Variants in RHEB observed in about 807,000 individuals in gnomAD.
RHEB encodes the protein GTP-binding protein Rheb.
A neutral mutation model predicts 28.8 loss-of-function variants in RHEB; 2 were observed. That is an observed-to-expected ratio of 0.07 (90% confidence interval 0.03 to 0.22). The LOEUF (loss-of-function observed/expected upper bound fraction) is 0.22. Ranked by LOEUF, RHEB falls within the 10% of genes least tolerant of loss-of-function variation. The pLI is 1.00. For missense variants in RHEB, 76 were observed against 219.9 expected (o/e 0.35, Z 4.14); for synonymous variants, 69 against 77.3 (o/e 0.89, Z 0.56).
chr7:151,507,972 C>G (rs1802917992), intron 1 of RHEB, among the ~76,000 whole-genome samples: 1 of 152,052 alleles, frequency 6.6e-6, no homozygotes, highest in African/African-American at 2.4e-5. Flanking sequence ...TGGAGATTTT[C>G]AAAACAGGAT....
chr7:151,492,837 C>CTTTT (rs1584858418), intron 1 of RHEB, among the ~76,000 whole-genome samples: 1 of 109,024 alleles, frequency 9.2e-6, no homozygotes, highest in African/African-American at 3.0e-5. Context: ...AAATTCTCAA[C>CTTTT]ATTTTTTTTT....
chr7:151,484,185 C>T (rs1278848643), intron 3 of RHEB, among the ~76,000 whole-genome samples: 2 of 152,144 alleles, frequency 1.3e-5, no homozygotes, highest in Admixed American at 6.5e-5. Flanking sequence ...CTGCCCTATG[C>T]CCCTCTTATG....
At chr7:151,481,139 T>C (rs1361759971) in intron 3 of RHEB, among the ~76,000 whole-genome samples, 1 of 152,158 alleles carries the variant, frequency 6.6e-6, no homozygotes, top group African/African-American at 2.4e-5. Context: ...ACTTTTTTTT[T>C]TTTTTGATAC....
chr7:151,469,623 C>A (rs1802124329), intron 7 of RHEB, among the ~76,000 whole-genome samples: 1 of 152,142 alleles, frequency 6.6e-6, no homozygotes, highest in Non-Finnish European at 1.5e-5. Context: ...AAAACACATT[C>A]AAAATATAAA....
intron 1 of RHEB, among the ~76,000 whole-genome samples, chr7:151,511,526 A>C (rs569761851): frequency 1.2e-4 from 18 of 152,248 alleles, no homozygotes; most frequent in African/African-American, 4.3e-4. Flanking sequence ...TTCCTGTTCT[A>C]AACTAATACC....
intron 3 of RHEB, among the ~76,000 whole-genome samples, chr7:151,481,297 C>T (rs983149064): frequency 1.3e-5 from 2 of 152,122 alleles, no homozygotes; most frequent in Admixed American, 1.3e-4. Flanking sequence ...CACTATTAAA[C>T]CATAGTGGTA....
At chr7:151,471,016 A>G (rs962458045) in intron 6 of RHEB, among the ~76,000 whole-genome samples, 1 of 152,246 alleles carries the variant, frequency 6.6e-6, no homozygotes, top group Non-Finnish European at 1.5e-5. Context: ...ATTCTCTTGC[A>G]TGCAGGCTGT....
chr7:151,491,112 C>A (rs1486050612), intron 1 of RHEB, 98 bp from the exon 2 acceptor site: 4 of 742,690 alleles, frequency 5.4e-6, no homozygotes, highest in Admixed American at 2.5e-5. Context: ...GATGAAGACA[C>A]TGAAGGTATC....
chr7:151,482,067 T>G (rs1263683379), intron 3 of RHEB, among the ~76,000 whole-genome samples: 7 of 152,232 alleles, frequency 4.6e-5, no homozygotes, highest in African/African-American at 7.2e-5. Context: ...ATTAAGAACA[T>G]GTGCACTTCC....
chr7:151,511,809 C>A (rs1318622225), intron 1 of RHEB, among the ~76,000 whole-genome samples: 6 of 152,144 alleles, frequency 3.9e-5, no homozygotes, highest in Non-Finnish European at 1.5e-5. Flanking sequence ...CACCACCACG[C>A]CCAGCTAATT....
chr7:151,471,626 A>G (rs1802163446), intron 4 of RHEB, 21 bp from the exon 5 acceptor site: 1 of 1,470,966 alleles, frequency 6.8e-7, no homozygotes, highest in Non-Finnish European at 9.4e-7. Flanking sequence ...AAAAGTATAA[A>G]TTAGACATCC....
intron 1 of RHEB, among the ~76,000 whole-genome samples, chr7:151,514,002 C>G (rs1458310135): frequency 2.0e-5 from 3 of 152,132 alleles, no homozygotes; most frequent in Admixed American, 2.0e-4. Context: ...TATTTAAAAA[C>G]CAGCTACAAA....
intron 2 of RHEB, among the ~76,000 whole-genome samples, chr7:151,489,270 G>A (rs1199736658): frequency 6.6e-6 from 1 of 152,174 alleles, no homozygotes; most frequent in Non-Finnish European, 1.5e-5. Context: ...TAAGGTCCAA[G>A]ATGATGATTT....
intron 2 of RHEB, among the ~76,000 whole-genome samples, chr7:151,487,658 A>G (rs751528023): frequency 2.6e-5 from 4 of 152,172 alleles, no homozygotes; most frequent in Admixed American, 1.3e-4. Context: ...TTTACTATAG[A>G]AAAAAGGGAG....
At position 151,470,602 on chromosome 7, in the gene RHEB, G is replaced by A; in HGVS notation, c.431C>T (p.Ala144Val). 1 of 1,613,236 alleles carries A rather than the reference G, an allele frequency of 6.2e-7. No homozygotes were observed. Among genetic ancestry groups the A allele is most frequent in the South Asian group, 1.1e-5 (1 of 91,020 alleles). ...GKALAESWNA[A>V]FLESSAKENQ... ...TTCTTTAGCAGAAGATTCCAAAAAAGCTGCATTCCAAGATTCTGCCAAAGC... is the reference window on the plus strand; with the variant it reads ...TTCTTTAGCAGAAGATTCCAAAAAAACTGCATTCCAAGATTCTGCCAAAGC... Residue 144 changes from alanine to valine, a missense_variant, in exon 7 of 8, where the codon GCT (alanine) becomes GTT (valine). By Grantham distance (64) the Ala-to-Val change is moderately conservative. Transcript: ENST00000262187.
rs777183819 is a variant in RHEB at position 151,471,613 on chromosome 7, A to G, written c.276-8T>C. 1 of 1,563,290 alleles carries G rather than the reference A, an allele frequency of 6.4e-7. No homozygotes were observed. The highest frequency in any genetic ancestry group is 1.8e-5 in the Admixed American group (1 of 55,716). The stretch of plus-strand genomic sequence containing the variant: ...ACTTTAATCACTTCAAAACTATAAA[A>G]CAAAAAGTATAAATTAGACATCCAT... On this transcript the variant is annotated splice_region_variant and splice_polypyrimidine_tract_variant and intron_variant, in intron 4 of 7. Coordinates refer to ENST00000262187, the MANE Select transcript of RHEB (RefSeq NM_005614.4).
intron 2 of RHEB, 46 bp from the exon 3 acceptor site, chr7:151,484,850 C>A (rs760544630): frequency 3.0e-6 from 4 of 1,330,944 alleles, no homozygotes; most frequent in Non-Finnish European, 4.3e-6. Flanking sequence ...AAAATTAACT[C>A]GAAACCACCT....
rs1410419753 is a variant in RHEB at position 151,497,982 on chromosome 7, G to C, written c.53-6968C>G. 1.7e-5 allele frequency: 9 copies of C among 515,884 alleles called. No homozygotes were observed. In the Admixed American group the frequency reaches 2.2e-4, roughly 12 times the overall value. The allele number at this position is 515,884 out of a possible 1,614,324, so 32.0% of individuals were successfully genotyped here. A position where few individuals can be genotyped will look rare whatever the true frequency, so the allele number is the denominator to read the frequency against. ...TCCCCTTTGCTCTCAGTGTTACAGG[G>C]AACTCTTGCTGGATGCTGCAGTAGT... On this transcript the variant is annotated intron_variant, in intron 1 of 7. Coordinates refer to ENST00000262187, the MANE Select transcript of RHEB (RefSeq NM_005614.4).
chr7:151,502,239 A>G lies in RHEB; in HGVS notation c.53-11225T>C, dbSNP rs531189217. ...CGACAGAGCTGTCTCAAAAAAAAAA[A>G]AAAAAAAAGGAGCTTGGAGGCAGCC... On this transcript the variant is annotated intron_variant, in intron 1 of 7. Transcript: ENST00000262187. 386 of 520,496 alleles carry G rather than the reference A, an allele frequency of 7.4e-4. 3 individuals carry two copies. Among genetic ancestry groups the G allele is most frequent in the Non-Finnish European group, 1.1e-3 (321 of 291,668 alleles). 32.2% of individuals were successfully genotyped at this position (520,496 alleles called of 1,614,324 possible).
Sources: allele counts gnomAD v4.1 joint callset (sites outside exome capture counted in the v4.1 genomes callset), GRCh38; gene constraint gnomAD v4.1.1; transcripts MANE v1.5; gene names NCBI Gene and HGNC (gene_info 2026-07-23, HGNC 2026-07-21).